JCAD: variants seen among roughly 807,000 people sequenced by gnomAD.
The protein encoded by JCAD is junctional cadherin 5 associated.
Under a neutral mutation model 98.0 loss-of-function variants are expected in JCAD, and 40 were observed. The ratio of observed to expected loss-of-function variants is 0.41; its 90% CI spans 0.32 to 0.53. The LOEUF (loss-of-function observed/expected upper bound fraction) is 0.53, where lower values mean the gene tolerates loss of function less well. Among genes scored for constraint, JCAD ranks in the 20% least tolerant of loss-of-function variants. JCAD has a pLI of 0.31. For synonymous variants in JCAD, 691 were observed against 682.3 expected (o/e 1.01, Z -0.20); for missense variants, 1,705 against 1,738.1 (o/e 0.98, Z 0.34).
chr10:30,018,024 A>T, intron 3 of JCAD, 107 bp from the exon 4 acceptor site: 1 of 779,548 alleles, frequency 1.3e-6, no homozygotes, highest in Non-Finnish European at 2.1e-6. Context: ...CTACAAGTGT[A>T]TAAAGGTTAA....
At chr10:30,091,357 G>T (rs998072553) in intron 1 of JCAD, among the ~76,000 whole-genome samples, 3 of 152,168 alleles carry the variant, frequency 2.0e-5, no homozygotes, top group African/African-American at 7.2e-5. Context: ...GTAGGAGGTA[G>T]GAAGGTGGGA....
intron 2 of JCAD, among the ~76,000 whole-genome samples, chr10:30,044,406 GGGGA>G (rs1837295548): frequency 6.6e-6 from 1 of 152,156 alleles, no homozygotes; most frequent in South Asian, 2.1e-4. Flanking sequence ...CTCAAAGTGT[GGGGA>G]CACACTTTAA....
intron 1 of JCAD, among the ~76,000 whole-genome samples, chr10:30,106,236 A>T (rs1838578187): frequency 6.6e-6 from 1 of 152,128 alleles, no homozygotes; most frequent in South Asian, 2.1e-4. Flanking sequence ...CAGTCTGGGC[A>T]ACACAGCAAG....
At chr10:30,080,002 G>A (rs1180327273) in intron 1 of JCAD, among the ~76,000 whole-genome samples, 1 of 151,974 alleles carries the variant, frequency 6.6e-6, no homozygotes, top group Non-Finnish European at 1.5e-5. Context: ...TAAGTCTCTT[G>A]GCAGAAAAAA....
At chr10:30,025,898 T>A in intron 3 of JCAD, 1 of 650,482 alleles carries the variant, frequency 1.5e-6, no homozygotes, top group Non-Finnish European at 2.6e-6. Context: ...CTCAAAAAAA[T>A]AAAATATACT....
At chr10:30,108,372 G>A (rs1838625813) in intron 1 of JCAD, among the ~76,000 whole-genome samples, 1 of 151,678 alleles carries the variant, frequency 6.6e-6, no homozygotes, top group African/African-American at 2.4e-5. Flanking sequence ...TCAGGAAAGT[G>A]AACTTGGCTC....
At chr10:30,113,548 CAAAAAAAAAAAAAA>C (rs71023545) in intron 1 of JCAD, among the ~76,000 whole-genome samples, 7 of 15,966 alleles carry the variant, frequency 4.4e-4, no homozygotes, top group East Asian at 2.2e-3. Context: ...GAGACACTGT[CAAAAAAAAAAAAAA>C]AAAAAAAAAA....
At chr10:30,085,186 G>A (rs1027685510) in intron 1 of JCAD, among the ~76,000 whole-genome samples, 7 of 152,084 alleles carry the variant, frequency 4.6e-5, no homozygotes, top group African/African-American at 1.7e-4. Flanking sequence ...GGAGTAACCT[G>A]ATTGTCTTTT....
chr10:30,102,141 T>A (rs1248393647), intron 1 of JCAD, among the ~76,000 whole-genome samples: 2 of 152,176 alleles, frequency 1.3e-5, no homozygotes, highest in African/African-American at 4.8e-5. Context: ...GTAAGAACAC[T>A]TTACGTAAGA....
intron 2 of JCAD, among the ~76,000 whole-genome samples, chr10:30,032,725 G>A (rs1040831871): frequency 2.0e-5 from 3 of 152,240 alleles, no homozygotes; most frequent in Admixed American, 1.3e-4. Context: ...GTGTGTGTGT[G>A]AGGATGTGAA....
At chr10:30,032,769 T>G (rs574188276) in intron 2 of JCAD, among the ~76,000 whole-genome samples, 1 of 152,344 alleles carries the variant, frequency 6.6e-6, no homozygotes, top group Admixed American at 6.5e-5. Context: ...ACTAGATATC[T>G]GGTATTATGT....
intron 1 of JCAD, among the ~76,000 whole-genome samples, chr10:30,088,404 G>A (rs1356865682): frequency 6.6e-6 from 1 of 152,106 alleles, no homozygotes; most frequent in Non-Finnish European, 1.5e-5. Context: ...CAAAGCTGTA[G>A]GAGTTCTCAC....
chr10:30,071,920 A>T (rs145887605), intron 1 of JCAD, among the ~76,000 whole-genome samples: 2 of 152,234 alleles, frequency 1.3e-5, no homozygotes, highest in Non-Finnish European at 2.9e-5. Flanking sequence ...CCTCTTCCTC[A>T]TAAAGGCAAG....
chr10:30,052,222 A>G (rs1181412589), intron 1 of JCAD, among the ~76,000 whole-genome samples: 3 of 152,162 alleles, frequency 2.0e-5, no homozygotes, highest in African/African-American at 7.2e-5. Flanking sequence ...CTGTTTCTCC[A>G]TGGTGCACGG....
chr10:30,045,994 G>A (rs181867765), intron 2 of JCAD, among the ~76,000 whole-genome samples: 1 of 152,184 alleles, frequency 6.6e-6, no homozygotes, highest in Non-Finnish European at 1.5e-5. Context: ...GTCTGCAAGG[G>A]TGACCTCGAA....
upstream of JCAD, among the ~76,000 whole-genome samples, chr10:30,064,312 T>C (rs1247809222): frequency 6.6e-6 from 1 of 152,130 alleles, no homozygotes; most frequent in Non-Finnish European, 1.5e-5. Flanking sequence ...TATACCACCT[T>C]AGGTTGACTC....
chr10:30,066,924 G>A (rs1483846081), intron 2 of JCAD, among the ~76,000 whole-genome samples: 2 of 152,046 alleles, frequency 1.3e-5, no homozygotes, highest in Non-Finnish European at 2.9e-5. Context: ...TTGAACCCAG[G>A]GGGCACAGGT....
At chr10:30,037,814 G>A (rs1211829189) in intron 2 of JCAD, among the ~76,000 whole-genome samples, 1 of 151,884 alleles carries the variant, frequency 6.6e-6, no homozygotes, top group Non-Finnish European at 1.5e-5. Context: ...ATGTTGGAAA[G>A]GCACCCACTG....
intron 1 of JCAD, among the ~76,000 whole-genome samples, chr10:30,071,540 C>T (rs917101654): frequency 6.6e-6 from 1 of 152,126 alleles, no homozygotes; most frequent in Non-Finnish European, 1.5e-5. Context: ...TGCAGTGGCT[C>T]ACGGCTGTAA....
Sources: allele counts gnomAD v4.1 joint callset (sites outside exome capture counted in the v4.1 genomes callset), GRCh38; gene constraint gnomAD v4.1.1; transcripts MANE v1.5; gene names NCBI Gene and HGNC (gene_info 2026-07-23, HGNC 2026-07-21).